ITPRIPL1: variants seen among roughly 807,000 people sequenced by gnomAD.
ITPRIPL1 encodes ITPRIP like 1, also known as inositol 1,4,5-trisphosphate receptor-interacting protein-like 1.
ITPRIPL1 carries 28 observed loss-of-function variants against 40.0 expected under a neutral mutation model. That is an observed-to-expected ratio of 0.70 (90% confidence interval 0.52 to 0.96). The LOEUF (loss-of-function observed/expected upper bound fraction) is 0.96, where lower values mean the gene tolerates loss of function less well. Among genes scored for constraint, ITPRIPL1 ranks in the 40% least tolerant of loss-of-function variants. The pLI, the probability that ITPRIPL1 is intolerant of heterozygous loss-of-function variation, is 0.00. For synonymous variants in ITPRIPL1, 251 were observed against 275.7 expected (o/e 0.91, Z 0.89); for missense variants, 638 against 698.0 (o/e 0.91, Z 0.97).
chr2:96,330,109 T>G (rs1228417682), downstream of ITPRIPL1: 1 of 151,872 alleles, frequency 6.6e-6, no homozygotes, highest in Non-Finnish European at 1.5e-5. Context: ...CTGGGCATGG[T>G]GGCATATACC....
Position 96,327,374 on chromosome 2 carries a change from T to C in ITPRIPL1, c.743T>C (p.Met248Thr), listed in dbSNP as rs368978120. 27 of 1,614,016 alleles carry C rather than the reference T, an allele frequency of 1.7e-5. No homozygotes were observed. Among genetic ancestry groups the C allele is most frequent in the Middle Eastern group, 1.6e-4 (1 of 6,062 alleles). ...LVPIVPPQGT[M>T]FVLEMRDPAL... is the part of the protein sequence containing the mutation. ...CCCATTGTCCCCCCACAGGGCACCATGTTTGTCCTGGAGATGAGGGACCCA... is the reference window on the plus strand; with the variant it reads ...CCCATTGTCCCCCCACAGGGCACCACGTTTGTCCTGGAGATGAGGGACCCA... Residue 248 changes from methionine (M) to threonine (T), a missense_variant, in exon 3 of 3, where the codon ATG becomes ACG. Coordinates refer to ENST00000439118, the MANE Select transcript of ITPRIPL1 (RefSeq NM_001008949.3).
chr2:96,326,224 G>T (rs1459224267), intron 2 of ITPRIPL1: 1 of 1,439,878 alleles, frequency 6.9e-7, no homozygotes, highest in East Asian at 3.2e-5. Context: ...TGTCACCCAG[G>T]CAGGTTCAGG....
At chr2:96,330,327 T>C (rs183334657), downstream of ITPRIPL1, 1 of 127,088 alleles carries the variant, frequency 7.9e-6, no homozygotes, top group Non-Finnish European at 1.6e-5. Context: ...CAGTGCACAA[T>C]AGCTACTGTG....
At chr2:96,330,215 G>A (rs2926144), downstream of ITPRIPL1, 1 of 126,738 alleles carries the variant, frequency 7.9e-6, no homozygotes. Flanking sequence ...CTGTGCTCCA[G>A]CGACCCTGGG....
Position 96,326,809 on chromosome 2 carries a change from G to C in ITPRIPL1, c.178G>C (p.Glu60Gln), listed in dbSNP as rs1286775365. The C allele has an allele frequency of 1.2e-6, 2 of 1,614,216 alleles. No individual in the cohort carries two copies. Among genetic ancestry groups the C allele is most frequent in the Admixed American group, 3.3e-5 (2 of 60,026 alleles). ...GATGCGCCTGCTAGAGATGGAGTTT[G>C]AAGAGAGAAAGCGAGCCGCTGAGCA... is the stretch of plus-strand genomic sequence containing the variant. ...EEMRLLEMEF[E>Q]ERKRAAEQRQ... Residue 60 changes from glutamate (E) to glutamine (Q), a missense_variant, in exon 3 of 3, where the codon GAA (glutamate) becomes CAA (glutamine). Glu to Gln is a conservative substitution (Grantham distance 29, BLOSUM62 2). Transcript: ENST00000439118.
Position 96,327,976 on chromosome 2 carries a change from T to C in ITPRIPL1, c.1345T>C (p.Phe449Leu). Residue 449 changes from phenylalanine (F) to leucine (L), a missense_variant, in exon 3 of 3, where the codon TTT (phenylalanine) becomes CTT (leucine). By Grantham distance (22) the Phe-to-Leu change is conservative. Transcript: ENST00000439118. Reference sequence around the variant, plus strand: ...CCGCCCCATCCTCACTTCTTACCATTTTAAAACAGCTCTCATGCACCTCTT... The same window carrying C: ...CCGCCCCATCCTCACTTCTTACCATCTTAAAACAGCTCTCATGCACCTCTT... ...ASRPILTSYH[F>L]KTALMHLLLR... 1.9e-6 allele frequency: 3 copies of C among 1,614,092 alleles called. No individual in the cohort carries two copies. The highest frequency in any genetic ancestry group is 4.5e-5 in the East Asian group (2 of 44,868).
chr2:96,330,367 C>G (rs1392412170), downstream of ITPRIPL1: 1 of 151,546 alleles, frequency 6.6e-6, no homozygotes, highest in Non-Finnish European at 1.5e-5. Flanking sequence ...TGTCAGGTAC[C>G]GCTTTCAATG....
chr2:96,329,628 T>G (rs532051344), downstream of ITPRIPL1: 5 of 151,276 alleles, frequency 3.3e-5, no homozygotes, highest in Admixed American at 6.6e-5. Flanking sequence ...GAAAGAGAGG[T>G]CATCACAATC....
At position 96,328,041 on chromosome 2, in the gene ITPRIPL1, C is replaced by A; in HGVS notation, c.1410C>A (p.Leu470=). 1 of 1,614,206 alleles carries A rather than the reference C, an allele frequency of 6.2e-7. No individual in the cohort carries two copies. Among genetic ancestry groups the A allele is most frequent in the African/African-American group, 1.3e-5 (1 of 75,046 alleles). The part of the protein sequence containing the change: ...LPLTDWAHNM[L]SQRLQDILWF... ...TCACGGACTGGGCCCACAACATGCT[C>A]TCTCAGCGGCTCCAGGACATTCTCT... Residue 470 remains leucine (L), a synonymous_variant, in exon 3 of 3, where the codon CTC becomes CTA. Transcript: ENST00000439118.
Position 96,327,874 on chromosome 2 carries a change from G to C in ITPRIPL1, c.1243G>C (p.Glu415Gln), listed in dbSNP as rs148715117. ...GAAGCTGGTGGGGCGCTTTGCCCCCGAGAACACCTGTCACCTCAAGTGCCT... is the reference window on the plus strand; with the variant it reads ...GAAGCTGGTGGGGCGCTTTGCCCCCCAGAACACCTGTCACCTCAAGTGCCT... ...FLKLVGRFAP[E>Q]NTCHLKCLQI... Residue 415 changes from glutamate (E) to glutamine (Q), a missense_variant, in exon 3 of 3, where the codon GAG becomes CAG. Transcript: ENST00000439118. 3.4e-4 allele frequency: 542 copies of C among 1,613,974 alleles called. 2 individuals are homozygous for C. The African/African-American group carries it at 6.7e-3, about 20-fold the overall frequency.
rs1299415106 is a variant in ITPRIPL1, at chr2:96,327,570, AGAC to A, written c.941_943del (p.Asp314del). 1 of 1,612,016 alleles carries A rather than the reference AGAC, an allele frequency of 6.2e-7. No homozygotes were observed. Among genetic ancestry groups the A allele is most frequent in the African/African-American group, 1.3e-5 (1 of 74,792 alleles). On this transcript the variant is annotated inframe_deletion, in exon 3 of 3. Transcript: ENST00000439118. ...CAGCTCTCTGCACCGGCTTCCACCT[AGAC>A]GTGTGCAAGACTGTGCAGTGGTTCC...
In ITPRIPL1 at chr2:96,327,403, C is replaced by T. The variant is rs2104389078; in HGVS notation, c.772C>T (p.Leu258=). Residue 258 remains leucine (L), a synonymous_variant, in exon 3 of 3, where the codon CTG becomes TTG. Transcript: ENST00000439118. ...TGTCCTGGAGATGAGGGACCCAGCC[C>T]TGGGCCGCCGCTGTGGCTGTGTGCT... The part of the protein sequence containing the change: ...MFVLEMRDPA[L]GRRCGCVLVE... 6.2e-7 allele frequency: 1 copy of T among 1,613,972 alleles called. No individual in the cohort carries two copies. Among genetic ancestry groups the T allele is most frequent in the East Asian group, 2.2e-5 (1 of 44,870 alleles).
At position 96,327,900 on chromosome 2, in the gene ITPRIPL1, C is replaced by G; in HGVS notation, c.1269C>G (p.Leu423=). The G allele has an allele frequency of 6.2e-7, 1 of 1,613,974 alleles. No homozygotes were observed. Among genetic ancestry groups the G allele is most frequent in the Non-Finnish European group, 8.5e-7 (1 of 1,180,004 alleles). ...AGAACACCTGTCACCTCAAGTGCCT[C>G]CAGATCATTTTAAGTCTCCGGCAGC... ...APENTCHLKC[L]QIILSLRQHQ... The change falls in exon 3 of 3, where the codon CTC becomes CTG. Residue 423 remains leucine (L), a synonymous_variant. Coordinates refer to ENST00000439118, the MANE Select transcript of ITPRIPL1 (RefSeq NM_001008949.3).
rs746151418 is a variant in ITPRIPL1, at chr2:96,327,606, G to A, written c.975G>A (p.Met325Ile). Reference protein sequence around the residue: ...VCKTVQWFRNMMGNAWALVAH... With the variant: ...VCKTVQWFRNIMGNAWALVAH... Reference sequence around the variant, plus strand: ...AGACTGTGCAGTGGTTCCGGAACATGATGGGCAATGCCTGGGCCCTTGTGG... The same window carrying A: ...AGACTGTGCAGTGGTTCCGGAACATAATGGGCAATGCCTGGGCCCTTGTGG... The change falls in exon 3 of 3, where the codon ATG becomes ATA. Residue 325 changes from methionine (M) to isoleucine (I), a missense_variant. By Grantham distance (10) the Met-to-Ile change is conservative. Transcript: ENST00000439118. 3 of 1,609,102 alleles carry A rather than the reference G, an allele frequency of 1.9e-6. No homozygotes were observed. The highest frequency in any genetic ancestry group is 2.5e-6 in the Non-Finnish European group (3 of 1,177,778).
Position 96,328,313 on chromosome 2 carries a change from A to T in ITPRIPL1, c.*14A>T, listed in dbSNP as rs1386420539. 2.1e-6 allele frequency: 3 copies of T among 1,433,658 alleles called. No individual in the cohort carries two copies. Among genetic ancestry groups the T allele is most frequent in the East Asian group, 2.4e-5 (1 of 41,598 alleles). The allele number at this position is 1,433,658 out of a possible 1,614,324, so 88.8% of individuals were successfully genotyped here. ...GCAGCACCTTGATGTAAAGACCATT[A>T]AAAAAAAAACAGAGGAAGGTATTTC... On this transcript the variant is annotated 3_prime_UTR_variant, in exon 3 of 3. Coordinates refer to ENST00000439118, the MANE Select transcript of ITPRIPL1 (RefSeq NM_001008949.3).
chr2:96,327,615 TGCCTGGGCCCTTGTG>T lies in ITPRIPL1; in HGVS notation c.988_1002del (p.Trp330_Ala334del), dbSNP rs1558781287. 1 of 1,609,494 alleles carries T rather than the reference TGCCTGGGCCCTTGTG, an allele frequency of 6.2e-7. No homozygotes were observed. The highest frequency in any genetic ancestry group is 1.7e-5 in the Admixed American group (1 of 59,240). On this transcript the variant is annotated inframe_deletion, in exon 3 of 3. Transcript: ENST00000439118. The stretch of plus-strand genomic sequence containing the variant: ...AGTGGTTCCGGAACATGATGGGCAA[TGCCTGGGCCCTTGTG>T]GCCCACAAGTATGACTTTAAACTCA...
chr2:96,329,877 G>A (rs2064148669), downstream of ITPRIPL1: 1 of 152,072 alleles, frequency 6.6e-6, no homozygotes, highest in African/African-American at 2.4e-5. Context: ...CACTGAACTT[G>A]ACCTCAGCAG....
chr2:96,326,837 G>C lies in ITPRIPL1; in HGVS notation c.206G>C (p.Arg69Thr). ...GAGAGAAAGCGAGCCGCTGAGCAGA[G>C]GCAGAAGGCAGAGAACTTCTGGACA... ...FEERKRAAEQ[R>T]QKAENFWTGD... Residue 69 changes from arginine (R) to threonine (T), a missense_variant, in exon 3 of 3, where the codon AGG becomes ACG. Physicochemically the swap from Arg to Thr is moderately conservative, Grantham distance 71. Transcript: ENST00000439118. 2 of 1,614,218 alleles carry C rather than the reference G, an allele frequency of 1.2e-6. No individual in the cohort carries two copies. Among genetic ancestry groups the C allele is most frequent in the Middle Eastern group, 1.6e-4 (1 of 6,062 alleles).
rs769171556 is a variant in ITPRIPL1 at position 96,327,362 on chromosome 2, C to G, written c.731C>G (p.Pro244Arg). The change falls in exon 3 of 3, where the codon CCA becomes CGA. Residue 244 changes from proline (P) to arginine (R), a missense_variant. Physicochemically the swap from Pro to Arg is moderately radical, Grantham distance 103. Transcript: ENST00000439118. ...KFDILVPIVP[P>R]QGTMFVLEMR... ...GATATCCTGGTGCCCATTGTCCCCC[C>G]ACAGGGCACCATGTTTGTCCTGGAG... The G allele has an allele frequency of 4.3e-6, 7 of 1,614,046 alleles. No homozygotes were observed. The highest frequency in any genetic ancestry group is 3.4e-6 in the Non-Finnish European group (4 of 1,180,036).
Sources: gnomAD v4.1 joint callset for allele counts on GRCh38, gnomAD v4.1.1 for gene constraint, MANE v1.5 for transcripts, NCBI Gene and HGNC (gene_info 2026-07-23, HGNC 2026-07-21) for gene names.